Variants in GAB2 observed in about 807,000 individuals in gnomAD.
GAB2 encodes the protein GRB2 associated binding protein 2.
GAB2 carries 26 observed loss-of-function variants against 65.5 expected under a neutral mutation model. The observed-to-expected ratio is 0.40, with a 90% confidence interval of 0.29 to 0.55. The LOEUF is 0.55. Among genes scored for constraint, GAB2 ranks in the 20% least tolerant of loss-of-function variants. The pLI is 0.53. For synonymous variants in GAB2, 321 were observed against 329.6 expected, an observed-to-expected ratio of 0.97 and a Z score of 0.28; for missense variants, 884 against 875.8, an observed-to-expected ratio of 1.01 and a Z score of -0.12.
intron 1 of GAB2, among the ~76,000 whole-genome samples, chr11:78,398,530 G>C (rs1591087660): frequency 6.6e-6 from 1 of 152,128 alleles, no homozygotes; most frequent in East Asian, 1.9e-4. Flanking sequence ...ATTTGAAATT[G>C]TGTGCATCAG....
intron 1 of GAB2, among the ~76,000 whole-genome samples, chr11:78,307,699 A>C (rs923511549): frequency 5.9e-5 from 9 of 152,156 alleles, no homozygotes; most frequent in African/African-American, 2.2e-4. Flanking sequence ...TTTTAAGTTT[A>C]TAACTAATTG....
At chr11:78,336,259 A>G (rs1248996691) in intron 1 of GAB2, among the ~76,000 whole-genome samples, 2 of 136,250 alleles carry the variant, frequency 1.5e-5, no homozygotes, top group Non-Finnish European at 3.1e-5. Context: ...GGTTGCAGTG[A>G]GCCAAGATCG....
intron 1 of GAB2, among the ~76,000 whole-genome samples, chr11:78,329,968 A>G (rs929359422): frequency 5.9e-5 from 9 of 152,354 alleles, no homozygotes; most frequent in African/African-American, 2.2e-4. Flanking sequence ...AAATGAGGCT[A>G]AGACCATTTT....
chr11:78,242,672 T>C (rs147678565), intron 3 of GAB2, among the ~76,000 whole-genome samples: 102 of 152,196 alleles, frequency 6.7e-4, no homozygotes, highest in African/African-American at 2.2e-3. Context: ...ATAAACATCC[T>C]AATGATGCAT....
chr11:78,409,566 C>A (rs1857100233), intron 1 of GAB2, among the ~76,000 whole-genome samples: 1 of 151,904 alleles, frequency 6.6e-6, no homozygotes, highest in South Asian at 2.1e-4. Flanking sequence ...GCCTGGGCAA[C>A]AACAGCGGAA....
intron 1 of GAB2, among the ~76,000 whole-genome samples, chr11:78,374,660 A>G (rs560519917): frequency 2.0e-5 from 3 of 152,360 alleles, no homozygotes; most frequent in African/African-American, 7.2e-5. Context: ...TAAGGGTTTG[A>G]TATTTTATTG....
At chr11:78,286,146 C>T (rs1866475244) in intron 1 of GAB2, among the ~76,000 whole-genome samples, 1 of 152,164 alleles carries the variant, frequency 6.6e-6, no homozygotes, top group African/African-American at 2.4e-5. Context: ...ATGAATTCCT[C>T]GTCTCACAGA....
chr11:78,220,576 T>C, intron 8 of GAB2, 132 bp from the exon 9 acceptor site: 1 of 641,810 alleles, frequency 1.6e-6, no homozygotes, highest in Non-Finnish European at 2.5e-6. Flanking sequence ...GCTAAGGACT[T>C]TTCATGTTTT....
chr11:78,358,569 T>A (rs1259991189), intron 1 of GAB2, among the ~76,000 whole-genome samples: 3 of 151,316 alleles, frequency 2.0e-5, no homozygotes, highest in African/African-American at 7.3e-5. Flanking sequence ...AAATTCATGA[T>A]ACTTCAAGTG....
At chr11:78,291,855 T>C (rs1591006507) in intron 1 of GAB2, among the ~76,000 whole-genome samples, 2 of 152,136 alleles carry the variant, frequency 1.3e-5, no homozygotes, top group Non-Finnish European at 2.9e-5. Flanking sequence ...TGAGCCACTG[T>C]ACCCAGCCCC....
At chr11:78,329,288 T>C (rs889118140) in intron 1 of GAB2, among the ~76,000 whole-genome samples, 3 of 152,224 alleles carry the variant, frequency 2.0e-5, no homozygotes, top group Admixed American at 2.0e-4. Context: ...AAGGCCAGTC[T>C]TGTAGGCTCT....
intron 1 of GAB2, among the ~76,000 whole-genome samples, chr11:78,360,397 A>T (rs1856418379): frequency 6.8e-6 from 1 of 148,140 alleles, no homozygotes; most frequent in African/African-American, 2.5e-5. Context: ...TCTGTATTTA[A>T]AAAAAAAAAA....
intron 2 of GAB2, among the ~76,000 whole-genome samples, chr11:78,271,385 G>A (rs1327709492): frequency 6.6e-6 from 1 of 152,250 alleles, no homozygotes; most frequent in African/African-American, 2.4e-5. Flanking sequence ...ATCTTGATAT[G>A]TGTTCCTGAA....
intron 1 of GAB2, among the ~76,000 whole-genome samples, chr11:78,286,447 C>A (rs1404675596): frequency 6.6e-6 from 1 of 151,978 alleles, no homozygotes; most frequent in Non-Finnish European, 1.5e-5. Context: ...CATTTCTACT[C>A]CCTGCTTTGG....
At chr11:78,291,210 T>C (rs1866658402) in intron 1 of GAB2, among the ~76,000 whole-genome samples, 1 of 149,458 alleles carries the variant, frequency 6.7e-6, no homozygotes, top group Non-Finnish European at 1.5e-5. Context: ...CCCAGCATTT[T>C]GAGAGGCCGA....
chr11:78,332,371 T>A (rs1855929886), intron 1 of GAB2, among the ~76,000 whole-genome samples: 1 of 152,202 alleles, frequency 6.6e-6, no homozygotes, highest in Non-Finnish European at 1.5e-5. Flanking sequence ...ACTGGCTTTA[T>A]TTGCCTGGGG....
intron 1 of GAB2, among the ~76,000 whole-genome samples, chr11:78,317,153 A>G (rs1855624352): frequency 6.6e-6 from 1 of 152,216 alleles, no homozygotes; most frequent in Non-Finnish European, 1.5e-5. Context: ...TAGGGCATCA[A>G]TGTCTAATGG....
At chr11:78,253,920 C>T (rs1865526430) in intron 2 of GAB2, among the ~76,000 whole-genome samples, 1 of 152,212 alleles carries the variant, frequency 6.6e-6, no homozygotes, top group Admixed American at 6.5e-5. Flanking sequence ...GCCATTGACA[C>T]AACCTACTTA....
intron 1 of GAB2, among the ~76,000 whole-genome samples, chr11:78,359,020 TG>T (rs1856398759): frequency 6.6e-6 from 1 of 152,164 alleles, no homozygotes; most frequent in Admixed American, 6.5e-5. Flanking sequence ...GTTAGTCAAC[TG>T]GAAGAGCAAT....
Sources: allele counts gnomAD v4.1 joint callset (sites outside exome capture counted in the v4.1 genomes callset), GRCh38; gene constraint gnomAD v4.1.1; transcripts MANE v1.5; gene names NCBI Gene and HGNC (gene_info 2026-07-23, HGNC 2026-07-21).